The following VPS13C variants were observed in gnomAD, a reference collection of about 807,000 sequenced individuals.
VPS13C encodes the protein vacuolar protein sorting 13 homolog C.
Under a neutral mutation model 456.8 loss-of-function variants are expected in VPS13C, and 358 were observed. The ratio of observed to expected loss-of-function variants is 0.78; its 90% confidence interval spans 0.72 to 0.86. The LOEUF (loss-of-function observed/expected upper bound fraction) is 0.86. Among genes scored for constraint, VPS13C ranks in the 40% least tolerant of loss-of-function variants. The pLI is 0.00. For missense variants in VPS13C, 4,818 were observed against 4,385.4 expected (o/e 1.10, Z -2.79); for synonymous variants, 1,578 against 1,486.7 (o/e 1.06, Z -1.41).
intron 65 of VPS13C, among the ~76,000 whole-genome samples, chr15:61,907,928 TAACAA>T (rs1274931315): frequency 6.6e-6 from 1 of 152,140 alleles, no homozygotes; most frequent in Non-Finnish European, 1.5e-5. Context: ...CTAAGCTTTT[TAACAA>T]ATACAATACT....
intron 64 of VPS13C, among the ~76,000 whole-genome samples, chr15:61,909,364 T>C (rs1233535648): frequency 2.6e-5 from 4 of 152,154 alleles, no homozygotes; most frequent in Non-Finnish European, 5.9e-5. Flanking sequence ...TGTGCCACCA[T>C]GCCCAGCTAA....
At chr15:61,914,998 T>C (rs185127397) in intron 61 of VPS13C, among the ~76,000 whole-genome samples, 487 of 149,884 alleles carry the variant, frequency 3.2e-3, no homozygotes, top group Middle Eastern at 0.014. Flanking sequence ...CCATTTTAAA[T>C]GGTTAGAAAA....
intron 27 of VPS13C, among the ~76,000 whole-genome samples, chr15:61,972,101 C>A (rs1442980928): frequency 3.9e-5 from 6 of 152,136 alleles, no homozygotes. Flanking sequence ...AATATAACTT[C>A]ATATGGAATC....
chr15:61,983,798 G>A, intron 20 of VPS13C, 22 bp downstream of exon 20: 2 of 1,607,722 alleles, frequency 1.2e-6, no homozygotes, highest in African/African-American at 1.3e-5. Context: ...TAAATAAAGA[G>A]TTACTTTCTC....
Position 61,890,377 on chromosome 15 carries a change from A to T in VPS13C, c.9129T>A (p.Tyr3043Ter), listed in dbSNP as rs2042612536. The T allele has an allele frequency of 6.2e-7, 1 of 1,613,960 alleles. No individual in the cohort carries two copies. The highest frequency in any genetic ancestry group is 1.3e-5 in the African/African-American group (1 of 74,926). ...LLKDGCGQFP[Y>*]DANIQIHWVS... The stretch of plus-strand genomic sequence containing the variant: ...CCCAGTGTATCTGGATGTTTGCATC[A>T]TATGGAAACTGTCCACATCCATCCT... Residue 3043 changes from tyrosine (Y) to a stop codon, truncating the protein, a stop_gained, in exon 67 of 85, where the codon TAT becomes TAA. Coordinates refer to ENST00000644861, the MANE Select transcript of VPS13C (RefSeq NM_020821.3). LOFTEE classifies it high-confidence loss of function.
intron 18 of VPS13C, among the ~76,000 whole-genome samples, chr15:61,989,569 A>C (rs2046161442): frequency 6.6e-6 from 1 of 152,178 alleles, no homozygotes; most frequent in African/African-American, 2.4e-5. Flanking sequence ...CAATAAGAAA[A>C]AAAGACAACC....
At position 61,875,790 on chromosome 15, in the gene VPS13C, A is replaced by G; in HGVS notation, c.10280T>C (p.Phe3427Ser). ...VLGLDVLGNP[F>S]GLIRGLSEGV... ...TTCAGACAGACCTCTAATTAATCCA[A>G]ATGGGTTTCCAAGTACATCTAACCC... is the stretch of plus-strand genomic sequence containing the variant. Residue 3427 changes from phenylalanine (F) to serine (S), a missense_variant, in exon 76 of 85, where the codon TTT (phenylalanine) becomes TCT (serine). By Grantham distance (155) the Phe-to-Ser change is radical. Transcript: ENST00000644861. 2 of 1,608,830 alleles carry G rather than the reference A, an allele frequency of 1.2e-6. No individual in the cohort carries two copies. Among genetic ancestry groups the G allele is most frequent in the Non-Finnish European group, 1.7e-6 (2 of 1,178,178 alleles).
At chr15:62,030,722 A>G (rs1039942565) in intron 5 of VPS13C, among the ~76,000 whole-genome samples, 18 of 152,102 alleles carry the variant, frequency 1.2e-4, no homozygotes, top group Non-Finnish European at 2.9e-5. Context: ...GTGCAAGGAG[A>G]TAGTAAGAGA....
In VPS13C at chr15:61,907,222, T is replaced by C. The variant is rs530263048; in HGVS notation, c.9105+42A>G. The C allele has an allele frequency of 1.9e-6, 3 of 1,612,272 alleles. No individual in the cohort carries two copies. The South Asian group carries it at 3.3e-5, about 18-fold the overall frequency. ...AAGATAGCTTCTCTACTTCCTTCAC[T>C]GTCAGGTAACTCATATAGCACTCAT... On this transcript the variant is annotated intron_variant, in intron 66 of 84. Transcript: ENST00000644861.
chr15:62,045,965 T>C (rs900176398), intron 1 of VPS13C, among the ~76,000 whole-genome samples: 2 of 152,174 alleles, frequency 1.3e-5, no homozygotes, highest in African/African-American at 2.4e-5. Flanking sequence ...CACAAGTGTG[T>C]GTGCATTCCA....
chr15:62,002,444 G>A (rs181211675), intron 15 of VPS13C, among the ~76,000 whole-genome samples: 11,874 of 152,000 alleles, frequency 0.078, 982 homozygotes, highest in African/African-American at 0.21. Context: ...AGTAGGTTGC[G>A]AAAATTTTCT....
intron 58 of VPS13C, 54 bp downstream of exon 58, chr15:61,919,234 GA>G: frequency 2.0e-6 from 3 of 1,522,324 alleles, no homozygotes; most frequent in Non-Finnish European, 2.7e-6. Flanking sequence ...TCAGCTAAAT[GA>G]TTTAACCATT....
At position 61,922,604 on chromosome 15, in the gene VPS13C, C is replaced by G; in HGVS notation, c.6768G>C (p.Thr2256=). The G allele has an allele frequency of 1.9e-6, 3 of 1,613,936 alleles. No homozygotes were observed. Residue 2256 remains threonine, a synonymous_variant, in exon 54 of 85, where the codon ACG becomes ACC. Transcript: ENST00000644861. Reference sequence around the variant, plus strand: ...TGAAGCTTTCCGTTATTTCTGTTGCCGTGTCAACACCAAGAAACCAAGTGT... The same window carrying G: ...TGAAGCTTTCCGTTATTTCTGTTGCGGTGTCAACACCAAGAAACCAAGTGT... ...DYNTWFLGVD[T]ATEITESFKG... is the part of the protein sequence containing the mutation.
intron 17 of VPS13C, 105 bp from the exon 18 acceptor site, chr15:61,991,199 G>T: frequency 1.2e-6 from 1 of 850,500 alleles, no homozygotes; most frequent in Non-Finnish European, 1.8e-6. Context: ...AGACACAAAT[G>T]CTAAAGCAAA....
intron 76 of VPS13C, 147 bp downstream of exon 76, chr15:61,875,585 A>T: frequency 1.6e-6 from 1 of 634,332 alleles, no homozygotes. Flanking sequence ...ATGTACCTTT[A>T]AATAAAAATA....
At chr15:61,990,415 A>C (rs2046188365) in intron 18 of VPS13C, among the ~76,000 whole-genome samples, 1 of 152,260 alleles carries the variant, frequency 6.6e-6, no homozygotes, top group Admixed American at 6.5e-5. Flanking sequence ...ATGCTTCACA[A>C]GTTGAAAAAA....
chr15:61,932,407 C>T lies in VPS13C; in HGVS notation c.5869-1148G>A, dbSNP rs7177782. 8.0e-3 allele frequency among the ~76,000 whole-genome samples: 1,211 copies of T among 152,134 alleles called. 11 individuals carry two copies. The highest frequency in any genetic ancestry group is 0.028 in the African/African-American group (1,153 of 41,498). ...AAAAAACTAGAAAGAAATACAGAGG[C>T]CTAATCGAAGTCTCAAATCCCAAAC... On this transcript the variant is annotated intron_variant, in intron 49 of 84. Transcript: ENST00000644861.
In VPS13C at chr15:61,962,289, G is replaced by T. The variant is rs138620433; in HGVS notation, c.3603+82C>A. The T allele has an allele frequency of 3.0e-6, 4 of 1,320,666 alleles. No individual in the cohort carries two copies. In the African/African-American group the frequency reaches 5.9e-5, roughly 20 times the overall value. 81.8% of individuals were successfully genotyped at this position (1,320,666 alleles called of 1,614,324 possible). On this transcript the variant is annotated intron_variant, in intron 34 of 84. Transcript: ENST00000644861. ...AATAATGCCCACTCTAAAATCCAAG[G>T]TTTATAACATTTGCCATCATAATTA...
chr15:62,043,611 G>GAAATAA, intron 2 of VPS13C, among the ~76,000 whole-genome samples: 1 of 151,578 alleles, frequency 6.6e-6, no homozygotes, highest in Admixed American at 6.6e-5. Flanking sequence ...ATCTCAAAAA[G>GAAATAA]AAATAAAAAT....
Sources: gnomAD v4.1 joint callset for allele counts (sites outside exome capture counted in the v4.1 genomes callset) on GRCh38, gnomAD v4.1.1 for gene constraint, MANE v1.5 for transcripts, NCBI Gene and HGNC (gene_info 2026-07-23, HGNC 2026-07-21) for gene names.